CENPK: variants seen among roughly 807,000 people sequenced by gnomAD.
CENPK encodes centromere protein K, also known as SoxLZ/Sox6-binding protein Solt.
Under a neutral mutation model 40.9 loss-of-function variants are expected in CENPK, and 46 were observed. That is an observed-to-expected ratio of 1.13 (90% CI 0.89 to 1.44). The LOEUF is 1.44. Among genes scored for constraint, CENPK ranks in the 40% most tolerant of loss-of-function variants. CENPK has a pLI of 0.00. For synonymous variants in CENPK, 107 were observed against 104.4 expected, an observed-to-expected ratio of 1.02 and a Z score of -0.15; for missense variants, 288 against 303.5, an observed-to-expected ratio of 0.95 and a Z score of 0.38.
chr5:65,532,910 CAAAA>C (rs60713724), intron 6 of CENPK, among the ~76,000 whole-genome samples: 5 of 37,012 alleles, frequency 1.4e-4, no homozygotes, highest in Non-Finnish European at 2.3e-4. Context: ...ACTCCATCTC[CAAAA>C]AAAAAAAAAA....
At chr5:65,510,628 T>C in the CENPK span, among the ~76,000 whole-genome samples, 2 of 151,586 alleles carry the variant, frequency 1.3e-5, no homozygotes, top group Non-Finnish European at 2.9e-5. Context: ...TACAAACAAT[T>C]AGGCAGGCAT....
At chr5:65,557,567 C>G (rs189755339) in intron 2 of CENPK, among the ~76,000 whole-genome samples, 2 of 152,194 alleles carry the variant, frequency 1.3e-5, no homozygotes, top group African/African-American at 4.8e-5. Flanking sequence ...AGGAAAGGAA[C>G]TGAGGTTCCC....
chr5:65,551,188 T>C, intron 5 of CENPK: 2 of 390,586 alleles, frequency 5.1e-6, no homozygotes, highest in South Asian at 1.8e-5. Flanking sequence ...AGATCGGGGC[T>C]GCAATGAGCC....
At chr5:65,545,356 A>G (rs1314873055) in intron 5 of CENPK, among the ~76,000 whole-genome samples, 1 of 146,320 alleles carries the variant, frequency 6.8e-6, no homozygotes, top group African/African-American at 2.5e-5. Flanking sequence ...ACACACACAC[A>G]CACACACACA....
At chr5:65,563,070 A>G (rs1490332005) in intron 1 of CENPK, 28 bp downstream of exon 1, 3 of 435,818 alleles carry the variant, frequency 6.9e-6, no homozygotes, top group South Asian at 5.6e-5. Flanking sequence ...TTCAACCGTT[A>G]TATCAACCTC....
chr5:65,509,636 G>A, the CENPK span, among the ~76,000 whole-genome samples: 31 of 152,150 alleles, frequency 2.0e-4, no homozygotes, highest in East Asian at 5.4e-3. Context: ...TATTTTCAAC[G>A]CATTTGGGTC....
chr5:65,503,449 A>G, the CENPK span, among the ~76,000 whole-genome samples: 5 of 152,022 alleles, frequency 3.3e-5, no homozygotes, highest in Non-Finnish European at 7.4e-5. Flanking sequence ...TGTTGATTTT[A>G]GGAGAGCTCT....
the CENPK span, among the ~76,000 whole-genome samples, chr5:65,496,453 G>GT: frequency 6.6e-6 from 1 of 152,088 alleles, no homozygotes; most frequent in Non-Finnish European, 1.5e-5. Context: ...CCTTAAAAAT[G>GT]TTTTTTCTAA....
chr5:65,535,819 C>CT (rs1219249058), intron 6 of CENPK, among the ~76,000 whole-genome samples: 2 of 152,302 alleles, frequency 1.3e-5, no homozygotes, highest in African/African-American at 4.8e-5. Context: ...AGAGAAAACT[C>CT]TGACACAACT....
chr5:65,551,234 G>A (rs543369598), intron 5 of CENPK: 38 of 256,632 alleles, frequency 1.5e-4, no homozygotes, highest in Middle Eastern at 1.5e-3. Context: ...TGGACAACAC[G>A]ATGAGACCCT....
rs1744897658 is a variant in CENPK at position 65,527,422 on chromosome 5, G to A, written c.597+1030C>T. Among the ~76,000 whole-genome samples, 3 of 148,444 alleles carry A rather than the reference G, an allele frequency of 2.0e-5. No individual in the cohort carries two copies. The South Asian group carries it at 6.3e-4, about 31-fold the overall frequency. On this transcript the variant is annotated intron_variant, in intron 9 of 10. Coordinates refer to ENST00000396679, the MANE Select transcript of CENPK (RefSeq NM_022145.5). ...CAGACTTCATTCCCTAGGGAGACAT[G>A]AAAGATTTTATGCTGAAAATGATTA...
chr5:65,517,076 G>C (rs1742912716), downstream of CENPK, among the ~76,000 whole-genome samples: 1 of 151,898 alleles, frequency 6.6e-6, no homozygotes, highest in South Asian at 2.1e-4. Context: ...CAAGTAGCTG[G>C]GATTACAGGT....
At chr5:65,496,213 ATACCACTG>A in the CENPK span, among the ~76,000 whole-genome samples, 7 of 152,122 alleles carry the variant, frequency 4.6e-5, no homozygotes, top group Non-Finnish European at 1.0e-4. Flanking sequence ...AGCCATGATT[ATACCACTG>A]CATTCCAGCC....
chr5:65,552,126 ATTT>A (rs1279377201), intron 4 of CENPK, among the ~76,000 whole-genome samples: 1 of 151,978 alleles, frequency 6.6e-6, no homozygotes, highest in Non-Finnish European at 1.5e-5. Flanking sequence ...AGACCAGCTA[ATTT>A]TTTTGTACTT....
At chr5:65,549,927 G>A in intron 5 of CENPK, among the ~76,000 whole-genome samples, 1 of 152,074 alleles carries the variant, frequency 6.6e-6, no homozygotes, top group East Asian at 1.9e-4. Flanking sequence ...CCTGCACTTT[G>A]GGAGACTGAA....
rs553552680 is a variant in CENPK, at chr5:65,563,130, G to A, written c.-174C>T. ...GCGTCACAAACTCCAGGTCGCCTAG[G>A]CGCTGCGCAGGAAGCGCTTGCCAGC... is the stretch of plus-strand genomic sequence containing the variant. On this transcript the variant is annotated 5_prime_UTR_variant, in exon 1 of 11. Transcript: ENST00000396679. 5.5e-6 allele frequency: 4 copies of A among 732,774 alleles called. No individual in the cohort carries two copies. In the South Asian group the frequency reaches 5.8e-5, roughly 11 times the overall value. The allele number at this position is 732,774 out of a possible 1,614,324, so 45.4% of individuals were successfully genotyped here. A position where few individuals can be genotyped will look rare whatever the true frequency, so the allele number is the denominator to read the frequency against.
downstream of CENPK, among the ~76,000 whole-genome samples, chr5:65,513,812 T>A (rs992277659): frequency 6.6e-6 from 1 of 152,234 alleles, no homozygotes; most frequent in Non-Finnish European, 1.5e-5. Context: ...AAGCATCTGA[T>A]GTCCCACCAT....
chr5:65,537,206 C>G (rs1424531969), intron 6 of CENPK, among the ~76,000 whole-genome samples: 1 of 152,258 alleles, frequency 6.6e-6, no homozygotes, highest in Non-Finnish European at 1.5e-5. Context: ...GAGAAGCTTA[C>G]AGGAGTTCTT....
the CENPK span, among the ~76,000 whole-genome samples, chr5:65,501,036 C>A: frequency 6.6e-6 from 1 of 152,004 alleles, no homozygotes; most frequent in African/African-American, 2.4e-5. Context: ...TGCTATTGAG[C>A]CCATCACTGA....
Sources: allele counts gnomAD v4.1 joint callset (sites outside exome capture counted in the v4.1 genomes callset), GRCh38; gene constraint gnomAD v4.1.1; transcripts MANE v1.5; gene names NCBI Gene and HGNC (gene_info 2026-07-23, HGNC 2026-07-21).